The following TM9SF2 variants were observed in gnomAD, a reference collection of about 807,000 sequenced individuals.
The protein encoded by TM9SF2 is transmembrane 9 superfamily member 2.
A neutral mutation model predicts 84.9 loss-of-function variants in TM9SF2; 13 were observed. The ratio of observed to expected loss-of-function variants is 0.15; its 90% CI spans 0.10 to 0.24. TM9SF2 has a LOEUF of 0.24. Among genes scored for constraint, TM9SF2 ranks in the 10% least tolerant of loss-of-function variants. TM9SF2 has a pLI of 1.00. For missense variants in TM9SF2, 562 were observed against 818.5 expected (o/e 0.69, Z 3.82); for synonymous variants, 273 against 285.8 (o/e 0.96, Z 0.45).
chr13:99,540,838 C>G (rs751594407), intron 8 of TM9SF2, 45 bp downstream of exon 8: 61 of 1,502,628 alleles, frequency 4.1e-5, no homozygotes, highest in Non-Finnish European at 5.3e-5. Flanking sequence ...ACTTTTCTAC[C>G]CTCTGTCCCT....
intron 8 of TM9SF2, 21 bp downstream of exon 8, chr13:99,540,814 T>C: frequency 6.3e-7 from 1 of 1,598,620 alleles, no homozygotes. Flanking sequence ...AGAGTTAGCC[T>C]GCTTTTGCTT....
At chr13:99,524,938 G>C (rs2046175720) in intron 3 of TM9SF2, among the ~76,000 whole-genome samples, 1 of 151,902 alleles carries the variant, frequency 6.6e-6, no homozygotes, top group Non-Finnish European at 1.5e-5. Flanking sequence ...TGATGAGAAA[G>C]AAGGGTAACG....
chr13:99,537,857 C>T lies in TM9SF2; in HGVS notation c.710C>T (p.Pro237Leu), dbSNP rs2046241130. Residue 237 changes from proline to leucine, a missense_variant, in exon 6 of 17, where the codon CCG becomes CTG. Physicochemically the swap from Pro to Leu is moderately conservative, Grantham distance 98. Coordinates refer to ENST00000376387, the MANE Select transcript of TM9SF2 (RefSeq NM_004800.3). ...GARLVAAKLE[P>L]KSFKHTHIDK... ...AGATTAGTGGCTGCTAAACTTGAAC[C>T]GAAAAGGTAATTATATTAATGATAA... 3 of 1,600,264 alleles carry T rather than the reference C, an allele frequency of 1.9e-6. No homozygotes were observed. Among genetic ancestry groups the T allele is most frequent in the Non-Finnish European group, 2.5e-6 (3 of 1,176,774 alleles).
At chr13:99,521,300 C>A (rs1019378497) in intron 3 of TM9SF2, among the ~76,000 whole-genome samples, 1 of 151,998 alleles carries the variant, frequency 6.6e-6, no homozygotes, top group African/African-American at 2.4e-5. Context: ...TACTATATGC[C>A]ACACTTTGCA....
intron 1 of TM9SF2, among the ~76,000 whole-genome samples, chr13:99,504,182 A>T (rs540432249): frequency 6.6e-6 from 1 of 152,356 alleles, no homozygotes; most frequent in South Asian, 2.1e-4. Context: ...ATTTATTCTC[A>T]TCTATTTCGT....
At chr13:99,508,804 A>G (rs553124191) in intron 1 of TM9SF2, among the ~76,000 whole-genome samples, 1 of 152,322 alleles carries the variant, frequency 6.6e-6, no homozygotes, top group African/African-American at 2.4e-5. Context: ...GGCAGCACCA[A>G]GGGAGTGGTG....
At chr13:99,560,744 C>T (rs996684595) in intron 16 of TM9SF2, among the ~76,000 whole-genome samples, 5 of 152,078 alleles carry the variant, frequency 3.3e-5, no homozygotes, top group South Asian at 2.1e-4. Context: ...TGCAGTGGCG[C>T]GATCTCAGCT....
intron 1 of TM9SF2, among the ~76,000 whole-genome samples, chr13:99,516,384 C>T (rs2046134836): frequency 6.6e-6 from 1 of 152,172 alleles, no homozygotes; most frequent in African/African-American, 2.4e-5. Flanking sequence ...ATGACTAGTC[C>T]AAAGGCAGTG....
At chr13:99,521,927 G>C (rs1453248720) in intron 3 of TM9SF2, among the ~76,000 whole-genome samples, 5 of 152,112 alleles carry the variant, frequency 3.3e-5, no homozygotes, top group Non-Finnish European at 5.9e-5. Flanking sequence ...GGCTTGTCCT[G>C]AACTTCTGGC....
chr13:99,537,818 G>T lies in TM9SF2; in HGVS notation c.671G>T (p.Gly224Val), dbSNP rs1483649543. The change falls in exon 6 of 17, where the codon GGG becomes GTG. Residue 224 changes from glycine to valine, a missense_variant. Coordinates refer to ENST00000376387, the MANE Select transcript of TM9SF2 (RefSeq NM_004800.3). ...IKIYYHVVET[G>V]SMGARLVAAK... The stretch of plus-strand genomic sequence containing the variant: ...ATATACTATCATGTTGTTGAAACTG[G>T]GTCCATGGGAGCAAGATTAGTGGCT... 1.2e-6 allele frequency: 2 copies of T among 1,610,326 alleles called. No homozygotes were observed. The highest frequency in any genetic ancestry group is 1.7e-6 in the Non-Finnish European group (2 of 1,179,194).
intron 4 of TM9SF2, among the ~76,000 whole-genome samples, chr13:99,534,480 A>T (rs150753543): frequency 2.6e-5 from 4 of 152,318 alleles, no homozygotes; most frequent in African/African-American, 9.6e-5. Context: ...TGCAACTGCA[A>T]AAAAAAGAAA....
intron 1 of TM9SF2, among the ~76,000 whole-genome samples, chr13:99,504,925 T>A (rs2046082336): frequency 6.6e-6 from 1 of 152,222 alleles, no homozygotes; most frequent in Admixed American, 6.5e-5. Context: ...CCAATTTTTC[T>A]CTATTATGAA....
chr13:99,532,382 C>T (rs1401074885), intron 4 of TM9SF2, among the ~76,000 whole-genome samples: 1 of 152,032 alleles, frequency 6.6e-6, no homozygotes, highest in Admixed American at 6.6e-5. Context: ...TTCTTCTACC[C>T]TCTGTGCTTA....
chr13:99,518,214 C>T (rs984889673), intron 2 of TM9SF2, among the ~76,000 whole-genome samples: 6 of 152,168 alleles, frequency 3.9e-5, no homozygotes, highest in South Asian at 2.1e-4. Flanking sequence ...CGCGTTCAGG[C>T]GAATCTCCTG....
intron 16 of TM9SF2, among the ~76,000 whole-genome samples, chr13:99,561,031 G>T (rs571462328): frequency 3.4e-4 from 52 of 152,296 alleles, no homozygotes; most frequent in African/African-American, 1.2e-3. Flanking sequence ...GTTGAATTTT[G>T]TAATCTGAAT....
At chr13:99,519,969 A>G in intron 2 of TM9SF2, 67 bp from the exon 3 acceptor site, 1 of 1,413,974 alleles carries the variant, frequency 7.1e-7, no homozygotes, top group Non-Finnish European at 9.9e-7. Flanking sequence ...TGCTCTCAAG[A>G]TTGGCTAGGT....
chr13:99,549,068 C>A, intron 11 of TM9SF2, 97 bp from the exon 12 acceptor site: 2 of 952,292 alleles, frequency 2.1e-6, no homozygotes, highest in Non-Finnish European at 3.3e-6. Context: ...GTACTCATTG[C>A]TGTCTGACAG....
chr13:99,522,948 G>C (rs557779972), intron 3 of TM9SF2, among the ~76,000 whole-genome samples: 1 of 152,146 alleles, frequency 6.6e-6, no homozygotes, highest in African/African-American at 2.4e-5. Context: ...TAAAAGGAGA[G>C]CTTTAGAATG....
At chr13:99,553,805 C>T (rs915925671) in intron 13 of TM9SF2, among the ~76,000 whole-genome samples, 1 of 152,174 alleles carries the variant, frequency 6.6e-6, no homozygotes, top group Non-Finnish European at 1.5e-5. Context: ...TCACCAACTC[C>T]TTATGGTCGT....
Sources: gnomAD v4.1 joint callset for allele counts (sites outside exome capture counted in the v4.1 genomes callset) on GRCh38, gnomAD v4.1.1 for gene constraint, MANE v1.5 for transcripts, NCBI Gene and HGNC (gene_info 2026-07-23, HGNC 2026-07-21) for gene names.